TNIK: variants seen among roughly 807,000 people sequenced by gnomAD.
The protein encoded by TNIK is TRAF2 and NCK interacting kinase.
A neutral mutation model predicts 191.3 loss-of-function variants in TNIK; 49 were observed. The ratio of observed to expected loss-of-function variants is 0.26; its 90% confidence interval spans 0.20 to 0.32. The LOEUF (loss-of-function observed/expected upper bound fraction) is 0.32. TNIK is among the 10% of genes least tolerant of loss of function. TNIK has a pLI of 1.00. For missense variants in TNIK, 1,155 were observed against 1,702.3 expected (o/e 0.68, Z 5.66); for synonymous variants, 594 against 600.9 (o/e 0.99, Z 0.17).
At chr3:171,316,692 A>G (rs1754630941) in intron 2 of TNIK, among the ~76,000 whole-genome samples, 1 of 152,102 alleles carries the variant, frequency 6.6e-6, no homozygotes, top group African/African-American at 2.4e-5. Flanking sequence ...TGGAGAAGGG[A>G]AATGATTTGC....
Position 171,315,616 on chromosome 3 carries a change from G to A in TNIK, c.123+54004C>T, listed in dbSNP as rs1226138194. ...GAGTCTGAAATCCAGGTGTCAAGGTGTCATTGGGAGTTGGTTCTTTCTGGA... is the reference window on the plus strand; with the variant it reads ...GAGTCTGAAATCCAGGTGTCAAGGTATCATTGGGAGTTGGTTCTTTCTGGA... On this transcript the variant is annotated intron_variant, in intron 2 of 32. Transcript: ENST00000436636. Among the ~76,000 whole-genome samples the A allele has an allele frequency of 3.9e-5, 6 of 152,270 alleles. No homozygotes were observed. The East Asian group carries it at 9.7e-4, about 24-fold the overall frequency.
chr3:171,101,306 T>G (rs1723517831), intron 22 of TNIK, 143 bp downstream of exon 22: 2 of 865,952 alleles, frequency 2.3e-6, no homozygotes, highest in Admixed American at 5.3e-5. Flanking sequence ...AGAACTATGC[T>G]CCAACAAAAA....
chr3:171,231,552 G>A (rs1345877400), intron 2 of TNIK, among the ~76,000 whole-genome samples: 1 of 152,032 alleles, frequency 6.6e-6, no homozygotes, highest in African/African-American at 2.4e-5. Context: ...ATCCCCACGC[G>A]CTAGAGCAGG....
At chr3:171,330,542 T>C (rs1329263247) in intron 2 of TNIK, among the ~76,000 whole-genome samples, 1 of 152,130 alleles carries the variant, frequency 6.6e-6, no homozygotes, top group Non-Finnish European at 1.5e-5. Context: ...AGCAGCAGAA[T>C]ACTAATAACA....
chr3:171,346,987 G>T, intron 2 of TNIK: 2 of 648,004 alleles, frequency 3.1e-6, no homozygotes, highest in Non-Finnish European at 5.0e-6. Context: ...AGGAATGTAG[G>T]GGCTGCAAGG....
At chr3:171,388,359 G>T (rs1371864436) in intron 1 of TNIK, among the ~76,000 whole-genome samples, 1 of 152,176 alleles carries the variant, frequency 6.6e-6, no homozygotes, top group Non-Finnish European at 1.5e-5. Context: ...AAGGTTAGGG[G>T]TCTCTAAGAA....
chr3:171,434,034 C>G (rs1032496476), intron 1 of TNIK, among the ~76,000 whole-genome samples: 10 of 146,168 alleles, frequency 6.8e-5, no homozygotes, highest in Non-Finnish European at 1.5e-4. Flanking sequence ...CAACCACCAC[C>G]TCCTGGGTTC....
rs1342115122 is a variant in TNIK, at chr3:171,392,477, A to G, written c.58-22792T>C. On this transcript the variant is annotated intron_variant, in intron 1 of 32. Coordinates refer to ENST00000436636, the MANE Select transcript of TNIK (RefSeq NM_015028.4). ...CCCAAAGACCATCAGCGTTGATCAT[A>G]TTTTATTATTAAGAAAATACAGGCT... Among the ~76,000 whole-genome samples the G allele has an allele frequency of 2.0e-5, 3 of 152,172 alleles. No individual in the cohort carries two copies. In the East Asian group the frequency reaches 5.8e-4, roughly 29 times the overall value.
At chr3:171,152,152 A>T (rs904743337) in intron 12 of TNIK, among the ~76,000 whole-genome samples, 1 of 152,058 alleles carries the variant, frequency 6.6e-6, no homozygotes, top group Non-Finnish European at 1.5e-5. Flanking sequence ...GTGGTGGAGC[A>T]TGCCTGTAAT....
chr3:171,415,226 T>A (rs759189658), intron 1 of TNIK, among the ~76,000 whole-genome samples: 1 of 152,036 alleles, frequency 6.6e-6, no homozygotes, highest in Non-Finnish European at 1.5e-5. Context: ...CTAATCTTAT[T>A]AACAACCCCA....
At chr3:171,169,582 T>A (rs6444969) in intron 9 of TNIK, among the ~76,000 whole-genome samples, 9,993 of 152,254 alleles carry the variant, frequency 0.066, 441 homozygotes, top group African/African-American at 0.11. Flanking sequence ...TGCTTTTTTT[T>A]ATAAAGTACT....
intron 1 of TNIK, among the ~76,000 whole-genome samples, chr3:171,393,756 G>A (rs1719869566): frequency 6.6e-6 from 1 of 152,142 alleles, no homozygotes. Context: ...CAAACTAAGG[G>A]AAGCTATACA....
intron 2 of TNIK, among the ~76,000 whole-genome samples, chr3:171,228,789 C>CT (rs1368788240): frequency 6.6e-6 from 1 of 152,166 alleles, no homozygotes; most frequent in African/African-American, 2.4e-5. Context: ...AAGGTGGGCT[C>CT]TTTTGGTCTT....
chr3:171,429,628 T>C (rs1027850132), intron 1 of TNIK, among the ~76,000 whole-genome samples: 2 of 152,218 alleles, frequency 1.3e-5, no homozygotes, highest in Admixed American at 1.3e-4. Context: ...TGTTCAATCT[T>C]ATTCCCTAAT....
rs1718086472 is a variant in TNIK, at chr3:171,063,818, CAT to C, written c.*61_*62del. ...CTGCCTCTAGACTGGCATAAGTCCA[CAT>C]GAGTTATGTTCTTTTAAATTAGAAA... On this transcript the variant is annotated 3_prime_UTR_variant, in exon 33 of 33. Coordinates refer to ENST00000436636, the MANE Select transcript of TNIK (RefSeq NM_015028.4). 6.5e-7 allele frequency: 1 copy of C among 1,547,874 alleles called. No individual in the cohort carries two copies. Among genetic ancestry groups the C allele is most frequent in the African/African-American group, 1.4e-5 (1 of 73,212 alleles).
intron 2 of TNIK, among the ~76,000 whole-genome samples, chr3:171,327,898 C>CAGAAA (rs1755958710): frequency 3.5e-5 from 1 of 28,632 alleles, no homozygotes; most frequent in African/African-American, 1.6e-4. Flanking sequence ...AAACCTGGCT[C>CAGAAA]ATAAAAAAAA....
chr3:171,101,598 G>A lies in TNIK; in HGVS notation c.2442C>T (p.Leu814=). 1 of 1,613,222 alleles carries A rather than the reference G, an allele frequency of 6.2e-7. No homozygotes were observed. Among genetic ancestry groups the A allele is most frequent in the Non-Finnish European group, 8.5e-7 (1 of 1,179,470 alleles). Residue 814 remains leucine (L), a synonymous_variant, in exon 22 of 33, where the codon CTC becomes CTT. Coordinates refer to ENST00000436636, the MANE Select transcript of TNIK (RefSeq NM_015028.4). Reference sequence around the variant, plus strand: ...TTGGGCGGTTTGTTTCTTCAATCCGGAGTTCTCTTAGTTCTTTGGCTAATG... The same window carrying A: ...TTGGGCGGTTTGTTTCTTCAATCCGAAGTTCTCTTAGTTCTTTGGCTAATG... ...LTALAKELRE[L]RIEETNRPMK...
chr3:171,150,018 G>A (rs1732219753), intron 12 of TNIK, among the ~76,000 whole-genome samples: 2 of 152,134 alleles, frequency 1.3e-5, no homozygotes, highest in African/African-American at 4.8e-5. Context: ...CTTTCCTCTG[G>A]CTTGGGGCCT....
chr3:171,114,390 C>T (rs1726366405), intron 18 of TNIK, among the ~76,000 whole-genome samples: 1 of 152,168 alleles, frequency 6.6e-6, no homozygotes, highest in Non-Finnish European at 1.5e-5. Flanking sequence ...AGATGTTTCT[C>T]CCATAAATTT....
Sources: gnomAD v4.1 joint callset for allele counts (sites outside exome capture counted in the v4.1 genomes callset) on GRCh38, gnomAD v4.1.1 for gene constraint, MANE v1.5 for transcripts, NCBI Gene and HGNC (gene_info 2026-07-23, HGNC 2026-07-21) for gene names.